The following TRHDE variants were observed in gnomAD, a reference collection of about 807,000 sequenced individuals.
TRHDE encodes thyrotropin releasing hormone degrading enzyme.
In TRHDE, 72 loss-of-function variants were observed where a neutral mutation model predicts 125.7. The ratio of observed to expected loss-of-function variants is 0.57; its 90% CI spans 0.47 to 0.70. TRHDE has a LOEUF of 0.70. Among genes scored for constraint, TRHDE ranks in the 30% least tolerant of loss-of-function variants. TRHDE has a pLI of 0.00. For missense variants in TRHDE, 1,110 were observed against 1,327.1 expected (o/e 0.84, Z 2.54); for synonymous variants, 509 against 509.1 (o/e 1.00, Z 0.00).
intron 2 of TRHDE, chr12:72,257,871 AG>A (rs1443359633): frequency 2.0e-5 from 3 of 152,166 alleles, no homozygotes; most frequent in African/African-American, 7.2e-5. Flanking sequence ...GTTTCAAGTG[AG>A]GAGTTTGAAT....
chr12:72,652,255 C>A, intron 15 of TRHDE, 67 bp from the exon 16 acceptor site: 3 of 1,211,648 alleles, frequency 2.5e-6, no homozygotes, highest in South Asian at 3.0e-5. Context: ...TAAAGCAAAA[C>A]CTGTCTTTAT....
chr12:72,656,375 T>A (rs1046257460), intron 17 of TRHDE, among the ~76,000 whole-genome samples: 2 of 152,100 alleles, frequency 1.3e-5, no homozygotes, highest in Non-Finnish European at 2.9e-5. Context: ...TTTTTGAGAA[T>A]GTATTTTGCA....
At chr12:72,134,613 G>A (rs528136091) in intron 2 of TRHDE, among the ~76,000 whole-genome samples, 2 of 151,994 alleles carry the variant, frequency 1.3e-5, no homozygotes, top group African/African-American at 4.8e-5. Flanking sequence ...AATTGTATAA[G>A]CTGTAGGCTC....
intron 15 of TRHDE, among the ~76,000 whole-genome samples, chr12:72,625,945 G>T (rs756914286): frequency 3.3e-5 from 5 of 151,948 alleles, no homozygotes; most frequent in Non-Finnish European, 7.4e-5. Flanking sequence ...TTATGTACAT[G>T]GGTTGCATGG....
At chr12:72,152,960 C>T (rs1210435641) in intron 2 of TRHDE, among the ~76,000 whole-genome samples, 2 of 152,132 alleles carry the variant, frequency 1.3e-5, no homozygotes, top group African/African-American at 4.8e-5. Flanking sequence ...GGAATAGTTT[C>T]AGAAGGAATG....
At chr12:72,422,580 T>G (rs183042848) in intron 3 of TRHDE, among the ~76,000 whole-genome samples, 2 of 152,328 alleles carry the variant, frequency 1.3e-5, no homozygotes, top group Admixed American at 6.5e-5. Context: ...GAATACAGAA[T>G]GCTTTCATTT....
rs1872013907 is a variant in TRHDE, at chr12:72,597,709, GTATGTATATATATATATATATA to G, written c.2322-21178_2322-21157del. ...AAGAGAGGTATATATATGTGTGTGT[GTATGTATATATATATATATATA>G]TATATATATATATATATATATATAT... On this transcript the variant is annotated intron_variant, in intron 12 of 18. Coordinates refer to ENST00000261180, the MANE Select transcript of TRHDE (RefSeq NM_013381.3). 1.3e-3 allele frequency among the ~76,000 whole-genome samples: 74 copies of G among 56,954 alleles called. 3 individuals are homozygous for G. Among genetic ancestry groups the G allele is most frequent in the African/African-American group, 5.0e-3 (73 of 14,582 alleles). The allele number at this position is 56,954 out of a possible 152,430, so 37.4% of individuals were successfully genotyped here.
intron 2 of TRHDE, among the ~76,000 whole-genome samples, chr12:72,346,524 AG>A (rs1229441904): frequency 6.6e-6 from 1 of 151,922 alleles, no homozygotes; most frequent in Non-Finnish European, 1.5e-5. Context: ...ATCTTCCACA[AG>A]GGGGTGCCAT....
chr12:72,648,745 G>C (rs1442390078), intron 15 of TRHDE, among the ~76,000 whole-genome samples: 1 of 151,700 alleles, frequency 6.6e-6, no homozygotes, highest in African/African-American at 2.4e-5. Context: ...CCAAGAGTTT[G>C]AGACCAACCT....
chr12:72,651,909 C>T (rs1415171870), intron 15 of TRHDE, among the ~76,000 whole-genome samples: 1 of 151,890 alleles, frequency 6.6e-6, no homozygotes, highest in Non-Finnish European at 1.5e-5. Context: ...TGTTTCCGTT[C>T]TATCCAAATT....
intron 3 of TRHDE, among the ~76,000 whole-genome samples, chr12:72,398,548 A>T (rs1051449630): frequency 3.3e-5 from 5 of 152,252 alleles, no homozygotes; most frequent in African/African-American, 9.6e-5. Context: ...TTCCAACAGT[A>T]CTTGACATAT....
At chr12:72,305,485 T>C (rs753976087) in intron 2 of TRHDE, among the ~76,000 whole-genome samples, 3 of 152,212 alleles carry the variant, frequency 2.0e-5, no homozygotes, top group Non-Finnish European at 2.9e-5. Flanking sequence ...CATTACCTAA[T>C]GGTAACTATG....
At chr12:72,512,252 G>C (rs1878609439) in intron 6 of TRHDE, among the ~76,000 whole-genome samples, 1 of 151,354 alleles carries the variant, frequency 6.6e-6, no homozygotes, top group Admixed American at 6.6e-5. Context: ...AGCTACAGTT[G>C]TTCTTGTCTT....
chr12:72,119,657 TG>T (rs58062950), intron 2 of TRHDE, among the ~76,000 whole-genome samples: 1 of 152,212 alleles, frequency 6.6e-6, no homozygotes, highest in Non-Finnish European at 1.5e-5. Context: ...ATTATTGTAT[TG>T]GGGTCTATCT....
At chr12:72,633,579 A>G (rs1261019195) in intron 15 of TRHDE, among the ~76,000 whole-genome samples, 1 of 152,116 alleles carries the variant, frequency 6.6e-6, no homozygotes, top group African/African-American at 2.4e-5. Flanking sequence ...CCCTAGCTTC[A>G]GCATGAAAGG....
chr12:72,150,455 A>T (rs7297986), intron 2 of TRHDE, among the ~76,000 whole-genome samples: 149,219 of 151,430 alleles, frequency 0.99, 73,554 homozygotes, highest in East Asian at 1. Flanking sequence ...CGTGCAGGTT[A>T]GTTATATATG....
chr12:72,317,608 C>T (rs12321257), intron 2 of TRHDE, among the ~76,000 whole-genome samples: 39,774 of 151,890 alleles, frequency 0.26, 5,234 homozygotes, highest in East Asian at 0.35. Context: ...TGAAGGCTCC[C>T]AATTACTTCT....
intron 3 of TRHDE, among the ~76,000 whole-genome samples, chr12:72,459,388 G>T (rs1242172035): frequency 1.3e-5 from 2 of 152,084 alleles, no homozygotes; most frequent in East Asian, 3.9e-4. Context: ...ATCCACAATA[G>T]CTAACAGTTA....
At chr12:72,210,679 A>G (rs560040955) in intron 2 of TRHDE, among the ~76,000 whole-genome samples, 2 of 152,296 alleles carry the variant, frequency 1.3e-5, no homozygotes, top group East Asian at 3.9e-4. Context: ...TTTCCTTTGG[A>G]CAAAGTCTAT....
Sources: allele counts gnomAD v4.1 joint callset (sites outside exome capture counted in the v4.1 genomes callset), GRCh38; gene constraint gnomAD v4.1.1; transcripts MANE v1.5; gene names NCBI Gene and HGNC (gene_info 2026-07-23, HGNC 2026-07-21).